The following USP4 variants were observed in gnomAD, a reference collection of about 807,000 sequenced individuals.
USP4 encodes the protein ubiquitin specific peptidase 4.
In USP4, 72 loss-of-function variants were observed where a neutral mutation model predicts 118.2. That is an observed-to-expected ratio of 0.61 (90% CI 0.50 to 0.74). USP4 has a LOEUF of 0.74. USP4 is among the 30% of genes least tolerant of loss of function. USP4 has a pLI of 0.00. For missense variants in USP4, 1,037 were observed against 1,185.7 expected (o/e 0.87, Z 1.84); for synonymous variants, 415 against 440.4 (o/e 0.94, Z 0.72).
At position 49,277,319 on chromosome 3, in the gene USP4, T is replaced by G; in HGVS notation, c.*974A>C. 696 of 900,622 alleles carry G rather than the reference T, an allele frequency of 7.7e-4. No homozygotes were observed. The highest frequency in any genetic ancestry group is 9.7e-4 in the Non-Finnish European group (629 of 649,520). The allele number at this position is 900,622 out of a possible 1,614,324, so 55.8% of individuals were successfully genotyped here. On this transcript the variant is annotated 3_prime_UTR_variant, in exon 22 of 22. Coordinates refer to ENST00000265560, the MANE Select transcript of USP4 (RefSeq NM_003363.4). ...CCATACGTCCGGTTCCTTAAGGCCT[T>G]GCCCACACGCAGCGGCTGGCCCCGC...
chr3:49,325,397 C>T (rs1317457198), intron 4 of USP4, among the ~76,000 whole-genome samples: 1 of 151,984 alleles, frequency 6.6e-6, no homozygotes, highest in Admixed American at 6.6e-5. Flanking sequence ...GCTCTGATGC[C>T]CAGGCTGCAG....
intron 11 of USP4, among the ~76,000 whole-genome samples, chr3:49,299,883 C>T (rs547619506): frequency 1.3e-5 from 2 of 152,216 alleles, no homozygotes; most frequent in East Asian, 3.9e-4. Flanking sequence ...TTCTGGTTCC[C>T]CAACATTCAG....
intron 2 of USP4, among the ~76,000 whole-genome samples, chr3:49,333,603 A>T (rs1038718417): frequency 7.2e-5 from 11 of 152,188 alleles, no homozygotes; most frequent in Non-Finnish European, 7.4e-5. Flanking sequence ...CTCAGGCAAT[A>T]GCAAAGCCTG....
intron 19 of USP4, among the ~76,000 whole-genome samples, chr3:49,281,549 TACAC>T (rs1240970384): frequency 1.4e-5 from 2 of 147,502 alleles, no homozygotes; most frequent in Admixed American, 6.8e-5. Flanking sequence ...CATTTATATA[TACAC>T]ACACACACAA....
chr3:49,292,325 G>C (rs1048323907), intron 15 of USP4, among the ~76,000 whole-genome samples, 185 bp downstream of exon 15: 3 of 151,116 alleles, frequency 2.0e-5, no homozygotes, highest in African/African-American at 7.3e-5. Flanking sequence ...CCACAAGGTA[G>C]CAAAGTTGGA....
At chr3:49,304,956 G>GT (rs1027698778) in intron 9 of USP4, among the ~76,000 whole-genome samples, 1 of 151,776 alleles carries the variant, frequency 6.6e-6, no homozygotes, top group African/African-American at 2.4e-5. Context: ...TAGAGACGGG[G>GT]TTTCACTATG....
chr3:49,325,962 T>G (rs2047550224), intron 3 of USP4, 117 bp from the exon 4 acceptor site: 2 of 1,278,382 alleles, frequency 1.6e-6, no homozygotes, highest in Admixed American at 4.4e-5. Context: ...TTTCCTTTAC[T>G]GATCAAGGGA....
Position 49,283,817 on chromosome 3 carries a change from G to A in USP4, c.2540+170C>T, listed in dbSNP as rs1045940240. 4.6e-5 allele frequency among the ~76,000 whole-genome samples: 7 copies of A among 152,154 alleles called. 1 individual carries two copies. The highest frequency in any genetic ancestry group is 4.6e-4 in the Admixed American group (7 of 15,270). Reference sequence around the variant, plus strand: ...ACTGGAGAGTCTCTTCCCCAAAGATGGGAGGATAGGGACAGAAGGGGTAAC... The same window carrying A: ...ACTGGAGAGTCTCTTCCCCAAAGATAGGAGGATAGGGACAGAAGGGGTAAC... On this transcript the variant is annotated intron_variant, in intron 19 of 21. Coordinates refer to ENST00000265560, the MANE Select transcript of USP4 (RefSeq NM_003363.4).
intron 9 of USP4, among the ~76,000 whole-genome samples, chr3:49,304,602 AT>A (rs2047293495): frequency 6.6e-6 from 1 of 151,748 alleles, no homozygotes; most frequent in Non-Finnish European, 1.5e-5. Context: ...CTGAATTTTC[AT>A]TTTTTTTAGA....
At chr3:49,330,884 A>G (rs13088309) in intron 2 of USP4, among the ~76,000 whole-genome samples, 113,969 of 151,448 alleles carry the variant, frequency 0.75, 43,208 homozygotes, top group East Asian at 0.99. Context: ...GGTGGCAGGC[A>G]CCAGGCGCCT....
Position 49,340,003 on chromosome 3 carries a change from G to A in USP4, c.22C>T (p.Arg8Cys), listed in dbSNP as rs143533593. MAEGGGC[R>C]ERPDAETQKS... ...TGAGTCTCCGCATCCGGTCGCTCAC[G>A]GCAGCCTCCACCTTCCGCCATCTCC... Residue 8 changes from arginine (R) to cysteine (C), a missense_variant, in exon 1 of 22, where the codon CGT becomes TGT. Physicochemically the swap from Arg to Cys is radical, Grantham distance 180. Coordinates refer to ENST00000265560, the MANE Select transcript of USP4 (RefSeq NM_003363.4). The A allele has an allele frequency of 8.7e-6, 14 of 1,609,774 alleles. No homozygotes were observed. Among genetic ancestry groups the A allele is most frequent in the East Asian group, 6.7e-5 (3 of 44,860 alleles).
chr3:49,324,603 C>CT, intron 6 of USP4, 99 bp downstream of exon 6: 1 of 1,147,974 alleles, frequency 8.7e-7, no homozygotes. Context: ...CATTGTTCAT[C>CT]TGAATCAGAA....
At chr3:49,281,185 G>C (rs1263101983) in intron 19 of USP4, among the ~76,000 whole-genome samples, 1 of 151,994 alleles carries the variant, frequency 6.6e-6, no homozygotes, top group East Asian at 1.9e-4. Context: ...GGCCGCGCAC[G>C]GTGGCTCACA....
intron 13 of USP4, among the ~76,000 whole-genome samples, chr3:49,295,155 G>T (rs1242514034): frequency 6.6e-6 from 1 of 151,916 alleles, no homozygotes; most frequent in Non-Finnish European, 1.5e-5. Context: ...CGGGCATGGT[G>T]GTGGGCACCT....
At chr3:49,288,636 T>C (rs1398475497) in intron 15 of USP4, among the ~76,000 whole-genome samples, 1 of 151,716 alleles carries the variant, frequency 6.6e-6, no homozygotes, top group African/African-American at 2.4e-5. Flanking sequence ...GATCACGCCA[T>C]TGTATTCCAG....
At chr3:49,327,280 G>A (rs1199787627) in intron 3 of USP4, among the ~76,000 whole-genome samples, 5 of 152,008 alleles carry the variant, frequency 3.3e-5, no homozygotes, top group Non-Finnish European at 7.4e-5. Flanking sequence ...GCTCACGCCT[G>A]TAATCCCACC....
At position 49,325,764 on chromosome 3, in the gene USP4, G is replaced by A. The variant is rs747239341; in HGVS notation, c.442C>T (p.Pro148Ser). The change falls in exon 4 of 22, where the codon CCC (proline) becomes TCC (serine). Residue 148 changes from proline to serine, a missense_variant. By Grantham distance (74) the Pro-to-Ser change is moderately conservative (BLOSUM62 -1). This residue lies in a region of USP4 where 487 missense variants were observed against 534.1 expected (regional missense o/e 0.91). Transcript: ENST00000265560. ...LELKLCENSD[P>S]TNVLSCHFSK... The stretch of plus-strand genomic sequence containing the variant: ...AAATGGCAACTCAGCACATTGGTGG[G>A]GTCACTGTTCTCACAGAGCTTCAGT... The A allele has an allele frequency of 3.1e-6, 5 of 1,613,816 alleles. No individual in the cohort carries two copies. The African/African-American group carries it at 6.7e-5, about 22-fold the overall frequency.
At position 49,305,946 on chromosome 3, in the gene USP4, G is replaced by A. The variant is rs532785926; in HGVS notation, c.955-58C>T. 2.0e-6 allele frequency: 3 copies of A among 1,485,800 alleles called. No individual in the cohort carries two copies. The East Asian group carries it at 7.3e-5, about 36-fold the overall frequency. 92.0% of individuals were successfully genotyped at this position (1,485,800 alleles called of 1,614,324 possible). On this transcript the variant is annotated intron_variant, in intron 8 of 21. Coordinates refer to ENST00000265560, the MANE Select transcript of USP4 (RefSeq NM_003363.4). Reference sequence around the variant, plus strand: ...CTTCTAGACAGTACCAGAGATACAAGATAAATCAAGTTCTAAAGGGTCACT... The same window carrying A: ...CTTCTAGACAGTACCAGAGATACAAAATAAATCAAGTTCTAAAGGGTCACT...
intron 2 of USP4, among the ~76,000 whole-genome samples, chr3:49,328,618 G>A (rs1160427488): frequency 6.6e-6 from 1 of 152,050 alleles, no homozygotes; most frequent in Non-Finnish European, 1.5e-5. Flanking sequence ...CCAGCACTTT[G>A]GGAGGCTGAG....
Sources: allele counts gnomAD v4.1 joint callset (sites outside exome capture counted in the v4.1 genomes callset), GRCh38; gene constraint gnomAD v4.1.1; regional missense constraint gnomAD v4.1.1; transcripts MANE v1.5; gene names NCBI Gene and HGNC (gene_info 2026-07-23, HGNC 2026-07-21).